RNF144A: variants seen among roughly 807,000 people sequenced by gnomAD.
The protein encoded by RNF144A is ring finger protein 144A.
A neutral mutation model predicts 38.7 loss-of-function variants in RNF144A; 11 were observed. The observed-to-expected ratio is 0.28, with a 90% CI of 0.18 to 0.47. The LOEUF is 0.47. RNF144A is among the 20% of genes least tolerant of loss of function. The pLI, the probability that RNF144A is intolerant of heterozygous loss-of-function variation, is 0.99. For synonymous variants in RNF144A, 149 were observed against 143.9 expected, an observed-to-expected ratio of 1.04 and a Z score of -0.25; for missense variants, 316 against 377.2, an observed-to-expected ratio of 0.84 and a Z score of 1.34.
intron 1 of RNF144A, chr2:6,932,992 T>C (rs980804650): frequency 9.2e-5 from 14 of 152,260 alleles, no homozygotes; most frequent in African/African-American, 3.1e-4. Context: ...AGGTGCTTTA[T>C]TGAAGCGGGA....
At chr2:6,931,128 A>T (rs17659204) in intron 1 of RNF144A, among the ~76,000 whole-genome samples, 24,243 of 152,224 alleles carry the variant, frequency 0.16, 2,438 homozygotes, top group Middle Eastern at 0.3. Context: ...TGCCCGGCAG[A>T]GTCCAGAAGC....
intron 2 of RNF144A, among the ~76,000 whole-genome samples, chr2:6,965,953 C>T (rs2103337977): frequency 6.6e-6 from 1 of 152,270 alleles, no homozygotes; most frequent in South Asian, 2.1e-4. Flanking sequence ...AAAAAGACCG[C>T]TCCTCACCCC....
chr2:7,033,794 T>A (rs779032069), intron 8 of RNF144A, among the ~76,000 whole-genome samples: 3 of 152,226 alleles, frequency 2.0e-5, no homozygotes, highest in African/African-American at 4.8e-5. Context: ...AGGGACCTGT[T>A]TTGCTCATCT....
intron 2 of RNF144A, among the ~76,000 whole-genome samples, chr2:6,984,742 A>T (rs1363830694): frequency 6.6e-6 from 1 of 152,244 alleles, no homozygotes; most frequent in African/African-American, 2.4e-5. Context: ...AATTGTATTT[A>T]TCTTTTCCTG....
At position 7,010,170 on chromosome 2, in the gene RNF144A, G is replaced by C. The variant is rs368060750; in HGVS notation, c.136-4284G>C. Among the ~76,000 whole-genome samples the C allele has an allele frequency of 1.7e-3, 255 of 152,270 alleles. 3 individuals are homozygous for C. The highest frequency in any genetic ancestry group is 5.9e-3 in the African/African-American group (245 of 41,542). On this transcript the variant is annotated intron_variant, in intron 3 of 8. Coordinates refer to ENST00000320892, the MANE Select transcript of RNF144A (RefSeq NM_014746.6). Reference sequence around the variant, plus strand: ...AATATTCCGGAGCACCGCTGTCTCCGGGGTACTGGAGCTGTGGAGTGATTG... The same window carrying C: ...AATATTCCGGAGCACCGCTGTCTCCCGGGTACTGGAGCTGTGGAGTGATTG...
At chr2:6,983,152 A>C (rs374147013) in intron 2 of RNF144A, among the ~76,000 whole-genome samples, 3 of 152,328 alleles carry the variant, frequency 2.0e-5, no homozygotes, top group Middle Eastern at 3.4e-3. Flanking sequence ...TTTGCTAAAG[A>C]TACCGTCTCC....
At chr2:6,994,376 C>T (rs1669585791) in intron 2 of RNF144A, among the ~76,000 whole-genome samples, 1 of 151,956 alleles carries the variant, frequency 6.6e-6, no homozygotes, top group African/African-American at 2.4e-5. Flanking sequence ...GTCCAGTGAA[C>T]TTTAAGAGAT....
chr2:6,963,429 C>G (rs1176926293), intron 2 of RNF144A, among the ~76,000 whole-genome samples: 2 of 152,198 alleles, frequency 1.3e-5, no homozygotes, highest in Admixed American at 1.3e-4. Context: ...CGTAGACATT[C>G]CTTGTCACAC....
chr2:6,928,750 C>T (rs1321409458), intron 1 of RNF144A, among the ~76,000 whole-genome samples: 1 of 152,186 alleles, frequency 6.6e-6, no homozygotes, highest in Non-Finnish European at 1.5e-5. Context: ...ACGGCTGGCT[C>T]CAAGGCCTCC....
intron 2 of RNF144A, among the ~76,000 whole-genome samples, chr2:6,985,530 G>T (rs72781748): frequency 2.0e-5 from 3 of 152,112 alleles, no homozygotes; most frequent in African/African-American, 7.2e-5. Flanking sequence ...GGAACCTCTG[G>T]CATTGGAATT....
chr2:6,992,041 T>G (rs1243166476), intron 2 of RNF144A, among the ~76,000 whole-genome samples: 1 of 152,206 alleles, frequency 6.6e-6, no homozygotes, highest in African/African-American at 2.4e-5. Context: ...AAATGGGAGT[T>G]ACTATGAGAG....
At chr2:7,033,610 A>G (rs997022312) in intron 8 of RNF144A, among the ~76,000 whole-genome samples, 4 of 151,612 alleles carry the variant, frequency 2.6e-5, no homozygotes, top group South Asian at 2.1e-4. Context: ...GCACATCCAC[A>G]TTCTAACCTT....
chr2:6,943,997 G>A lies in RNF144A; in HGVS notation c.-12+2850G>A, dbSNP rs1000602906. On this transcript the variant is annotated intron_variant, in intron 2 of 8. Coordinates refer to ENST00000320892, the MANE Select transcript of RNF144A (RefSeq NM_014746.6). This position sits in a 1 kb window ranked among gnomAD's most constrained non-coding sequence, Gnocchi z 4.3. ...CAGCCCTGATGGGGAGTTGAAGTGT[G>A]CAGGAGGTCAAGGATTGAGTGATCT... is the stretch of plus-strand genomic sequence containing the variant. Among the ~76,000 whole-genome samples, 3 of 152,188 alleles carry A rather than the reference G, an allele frequency of 2.0e-5. No homozygotes were observed. The highest frequency in any genetic ancestry group is 7.2e-5 in the African/African-American group (3 of 41,450).
chr2:7,067,605 C>A (rs1420211014), intron 6 of RNF144A, among the ~76,000 whole-genome samples: 1 of 152,160 alleles, frequency 6.6e-6, no homozygotes, highest in Non-Finnish European at 1.5e-5. Flanking sequence ...CAAGTCCCAA[C>A]AGGTGACTCA....
chr2:6,937,100 G>C (rs1332258125), intron 1 of RNF144A, among the ~76,000 whole-genome samples: 1 of 152,098 alleles, frequency 6.6e-6, no homozygotes, highest in Admixed American at 6.6e-5. Context: ...AAAAATGTGA[G>C]GGCTTCTTGA....
rs768543334 is a variant in RNF144A, at chr2:7,041,146, A to T, written c.*1386A>T. The stretch of plus-strand genomic sequence containing the variant: ...AACAGGCAAATATTGTAGCTATATT[A>T]CAGTGGGATTTTAAAAATCTTGTTA... On this transcript the variant is annotated 3_prime_UTR_variant, in exon 9 of 9. Transcript: ENST00000320892. The T allele has an allele frequency of 9.0e-5, 88 of 980,308 alleles. No homozygotes were observed. The highest frequency in any genetic ancestry group is 1.0e-4 in the Non-Finnish European group (85 of 825,390). The allele number at this position is 980,308 out of a possible 1,614,324, so 60.7% of individuals were successfully genotyped here. A position where few individuals can be genotyped will look rare whatever the true frequency, so the allele number is the denominator to read the frequency against.
At chr2:7,032,364 G>A (rs78309316) in intron 8 of RNF144A, among the ~76,000 whole-genome samples, 1 of 149,700 alleles carries the variant, frequency 6.7e-6, no homozygotes, top group African/African-American at 2.5e-5. Context: ...GCCCCTTGCA[G>A]CTCTGCTCGA....
chr2:7,056,607 G>A (rs921235007), intron 6 of RNF144A, among the ~76,000 whole-genome samples: 3 of 152,090 alleles, frequency 2.0e-5, no homozygotes, highest in Admixed American at 2.0e-4. Context: ...TGCAGCACTG[G>A]CCCCATTCCA....
At chr2:7,034,372 G>A (rs962973452) in intron 8 of RNF144A, among the ~76,000 whole-genome samples, 8 of 152,134 alleles carry the variant, frequency 5.3e-5, no homozygotes, top group Non-Finnish European at 1.2e-4. Flanking sequence ...AAGCGACAGC[G>A]TGCAGCCGTT....
Sources: gnomAD v4.1 joint callset for allele counts (sites outside exome capture counted in the v4.1 genomes callset) on GRCh38, gnomAD v4.1.1 for gene constraint, Gnocchi (gnomAD v3.1) non-coding constraint, MANE v1.5 for transcripts, NCBI Gene and HGNC (gene_info 2026-07-23, HGNC 2026-07-21) for gene names.